The following TIMELESS variants were observed in gnomAD, a reference collection of about 807,000 sequenced individuals.
TIMELESS encodes timeless circadian regulator.
A neutral mutation model predicts 164.3 loss-of-function variants in TIMELESS; 124 were observed. The observed-to-expected ratio is 0.75, with a 90% CI of 0.65 to 0.88. The LOEUF (loss-of-function observed/expected upper bound fraction) is 0.88, where lower values mean the gene tolerates loss of function less well. Ranked by LOEUF, TIMELESS falls within the 40% of genes least tolerant of loss-of-function variation. The pLI, the probability that TIMELESS is intolerant of heterozygous loss-of-function variation, is 0.00. For synonymous variants in TIMELESS, 564 were observed against 563.4 expected (o/e 1.00, Z -0.02); for missense variants, 1,422 against 1,491.4 (o/e 0.95, Z 0.77).
chr12:56,421,640 C>A (rs1293021203), intron 22 of TIMELESS, 87 bp downstream of exon 22: 10 of 1,553,200 alleles, frequency 6.4e-6, no homozygotes, highest in African/African-American at 1.4e-5. Context: ...ATGGGAGAAT[C>A]TTTCCTTGGG....
At position 56,439,167 on chromosome 12, in the gene TIMELESS, C is replaced by CAAAAAAAAAAAAAAA. The variant is rs57127557; in HGVS notation, c.-61-4951_-61-4937dup. 2.3e-5 allele frequency among the ~76,000 whole-genome samples: 2 copies of CAAAAAAAAAAAAAAA among 85,640 alleles called. 1 individual carries two copies. Among genetic ancestry groups the CAAAAAAAAAAAAAAA allele is most frequent in the Non-Finnish European group, 4.4e-5 (2 of 45,510 alleles). 56.2% of individuals were successfully genotyped at this position (85,640 alleles called of 152,430 possible). A position where few individuals can be genotyped will look rare whatever the true frequency, so the allele number is the denominator to read the frequency against. ...GGCACCAAGAGTGAAAACTCCTTCT[C>CAAAAAAAAAAAAAAA]AAAAAAAAAAAAAAAAAAAAAAAAA... is the stretch of plus-strand genomic sequence containing the variant. On this transcript the variant is annotated intron_variant, in intron 1 of 28. Transcript: ENST00000553532.
At chr12:56,437,037 T>G (rs529011052) in intron 1 of TIMELESS, among the ~76,000 whole-genome samples, 1 of 152,152 alleles carries the variant, frequency 6.6e-6, no homozygotes, top group East Asian at 1.9e-4. Flanking sequence ...TTTAAGTGAT[T>G]CTTTGCCTCA....
At position 56,418,028 on chromosome 12, in the gene TIMELESS, C is replaced by T. The variant is rs765723597; in HGVS notation, c.3455-20G>A. 1.2e-6 allele frequency: 2 copies of T among 1,614,190 alleles called. No homozygotes were observed. The highest frequency in any genetic ancestry group is 1.1e-5 in the South Asian group (1 of 91,076). On this transcript the variant is annotated intron_variant, in intron 27 of 28. Transcript: ENST00000553532. Reference sequence around the variant, plus strand: ...CTTCCTCTGCAATGACCATAAATGACACAAAATTAGGAACTCGGTCCTCAT... The same window carrying T: ...CTTCCTCTGCAATGACCATAAATGATACAAAATTAGGAACTCGGTCCTCAT...
chr12:56,432,197 A>G (rs774039), intron 7 of TIMELESS, among the ~76,000 whole-genome samples, 172 bp downstream of exon 7: 64,172 of 152,062 alleles, frequency 0.42, 14,804 homozygotes, highest in East Asian at 0.73. Context: ...AGTAACTGAA[A>G]TCAAGGAAAG....
Position 56,428,597 on chromosome 12 carries a change from C to T in TIMELESS, c.1360G>A (p.Asp454Asn). The part of the protein sequence containing the change: ...QELLATVNEM[D>N]ISPDEAVRES... ...CTCACAGCCTCATCTGGAGATATGT[C>T]CATCTCATTCACTGTTGCCAGCAGC... is the stretch of plus-strand genomic sequence containing the variant. The change falls in exon 12 of 29, where the codon GAC (aspartate) becomes AAC (asparagine). Residue 454 changes from aspartate to asparagine, a missense_variant. Physicochemically the swap from Asp to Asn is conservative, Grantham distance 23. Transcript: ENST00000553532. The T allele has an allele frequency of 1.2e-6, 2 of 1,614,128 alleles. No individual in the cohort carries two copies. Among genetic ancestry groups the T allele is most frequent in the East Asian group, 2.2e-5 (1 of 44,878 alleles).
Position 56,428,356 on chromosome 12 carries a change from A to C in TIMELESS, c.1458T>G (p.Phe486Leu). 6.2e-7 allele frequency: 1 copy of C among 1,613,302 alleles called. No homozygotes were observed. The change falls in exon 13 of 29, where the codon TTT becomes TTG. Residue 486 changes from phenylalanine to leucine, a missense_variant. By Grantham distance (22) the Phe-to-Leu change is conservative. Coordinates refer to ENST00000553532, the MANE Select transcript of TIMELESS (RefSeq NM_003920.5). ...GCTGGCATCTCTCATCAAACTTTCG[A>C]AAAAGTGCCAGGAATAGTTCTCGGT... is the stretch of plus-strand genomic sequence containing the variant. ...MEYRELFLAL[F>L]RKFDERCQPR...
intron 1 of TIMELESS, 65 bp from the exon 2 acceptor site, chr12:56,434,296 C>T (rs1350090299): frequency 1.6e-5 from 12 of 754,352 alleles, no homozygotes; most frequent in Middle Eastern, 2.4e-4. Flanking sequence ...AGGAACAGGA[C>T]GAGGCCCTAA....
Position 56,433,366 on chromosome 12 carries a change from T to C in TIMELESS, c.429+15A>G, listed in dbSNP as rs989520592. 25 of 1,613,904 alleles carry C rather than the reference T, an allele frequency of 1.5e-5. No homozygotes were observed. Among genetic ancestry groups the C allele is most frequent in the Non-Finnish European group, 2.1e-5 (25 of 1,179,912 alleles). ...TGCTGTCCCATGGTATCCTGTAAGGTGAAGACTCACTCACCAGCTGCAGCA... is the reference window on the plus strand; with the variant it reads ...TGCTGTCCCATGGTATCCTGTAAGGCGAAGACTCACTCACCAGCTGCAGCA... On this transcript the variant is annotated intron_variant, in intron 5 of 28. Transcript: ENST00000553532.
rs1334382370 is a variant in TIMELESS at position 56,418,446 on chromosome 12, T to A, written c.3229-87A>T. The A allele has an allele frequency of 8.0e-6, 7 of 874,782 alleles. No homozygotes were observed. In the African/African-American group the frequency reaches 1.2e-4, roughly 15 times the overall value. The allele number at this position is 874,782 out of a possible 1,614,324, so 54.2% of individuals were successfully genotyped here. On this transcript the variant is annotated intron_variant, in intron 26 of 28. Coordinates refer to ENST00000553532, the MANE Select transcript of TIMELESS (RefSeq NM_003920.5). Reference sequence around the variant, plus strand: ...TTCATTGAATATATATGACCCAATATTGGTGAAGATCCACAAGGGTTGTGA... The same window carrying A: ...TTCATTGAATATATATGACCCAATAATGGTGAAGATCCACAAGGGTTGTGA...
intron 15 of TIMELESS, 113 bp from the exon 16 acceptor site, chr12:56,424,007 T>C: frequency 3.2e-6 from 3 of 929,664 alleles, no homozygotes; most frequent in Non-Finnish European, 4.9e-6. Context: ...AGAAACAGAA[T>C]GCAAACTGTT....
At position 56,436,955 on chromosome 12, in the gene TIMELESS, G is replaced by C. The variant is rs558038009; in HGVS notation, c.-61-2724C>G. 2.7e-4 allele frequency among the ~76,000 whole-genome samples: 40 copies of C among 150,530 alleles called. 1 individual carries two copies. The highest frequency in any genetic ancestry group is 9.5e-4 in the African/African-American group (39 of 40,928). On this transcript the variant is annotated intron_variant, in intron 1 of 28. Coordinates refer to ENST00000553532, the MANE Select transcript of TIMELESS (RefSeq NM_003920.5). ...ATTTTTTTTTTTTTTTTGAGACAGA[G>C]TCTCACGCTCTGTTGCCCAGGCTGG...
At chr12:56,435,517 C>G (rs1882040790) in intron 1 of TIMELESS, among the ~76,000 whole-genome samples, 2 of 152,174 alleles carry the variant, frequency 1.3e-5, no homozygotes, top group African/African-American at 4.8e-5. Context: ...TGCCATCATG[C>G]CTGGCCTTTT....
rs1324886903 is a variant in TIMELESS at position 56,428,605 on chromosome 12, T to C, written c.1352A>G (p.Asn451Ser). The stretch of plus-strand genomic sequence containing the variant: ...CTCATCTGGAGATATGTCCATCTCA[T>C]TCACTGTTGCCAGCAGCTCCTGATA... ...KAYQELLATV[N>S]EMDISPDEAV... The change falls in exon 12 of 29, where the codon AAT (asparagine) becomes AGT (serine). Residue 451 changes from asparagine to serine, a missense_variant. Coordinates refer to ENST00000553532, the MANE Select transcript of TIMELESS (RefSeq NM_003920.5). 1.2e-5 allele frequency: 19 copies of C among 1,614,044 alleles called. No individual in the cohort carries two copies. The highest frequency in any genetic ancestry group is 1.1e-4 in the East Asian group (5 of 44,894).
chr12:56,425,965 T>C (rs538176559), intron 13 of TIMELESS, among the ~76,000 whole-genome samples: 20 of 152,226 alleles, frequency 1.3e-4, no homozygotes, highest in Admixed American at 1.2e-3. Flanking sequence ...GTCAGGGCTG[T>C]GAACCAGTCT....
At chr12:56,439,212 AG>A (rs1882174877) in intron 1 of TIMELESS, among the ~76,000 whole-genome samples, 1 of 148,810 alleles carries the variant, frequency 6.7e-6, no homozygotes. Flanking sequence ...CAAACACAAA[AG>A]GTCATATATT....
At chr12:56,434,669 A>G (rs1369714535) in intron 1 of TIMELESS, among the ~76,000 whole-genome samples, 2 of 152,212 alleles carry the variant, frequency 1.3e-5, no homozygotes, top group African/African-American at 4.8e-5. Context: ...CCCAGGAGGC[A>G]GAGGTTGTGG....
At chr12:56,422,312 C>A in intron 19 of TIMELESS, 121 bp from the exon 20 acceptor site, 1 of 839,136 alleles carries the variant, frequency 1.2e-6, no homozygotes, top group Non-Finnish European at 1.9e-6. Flanking sequence ...TGAAAGAGGC[C>A]AGCCAGCAGA....
chr12:56,432,491 G>A lies in TIMELESS; in HGVS notation c.565C>T (p.Leu189Phe). The change falls in exon 7 of 29, where the codon CTC becomes TTC. Residue 189 changes from leucine to phenylalanine, a missense_variant. Physicochemically the swap from Leu to Phe is conservative, Grantham distance 22. Transcript: ENST00000553532. ...IDDDASAHDQ[L>F]LWAIHLSGLD... is the part of the protein sequence containing the mutation. ...CCGCTGAGGTGAATCGCCCAGAGGA[G>A]CTGGTCATGGGCACTGGCGTCATCA... is the stretch of plus-strand genomic sequence containing the variant. 5 of 1,614,172 alleles carry A rather than the reference G, an allele frequency of 3.1e-6. No individual in the cohort carries two copies. Among genetic ancestry groups the A allele is most frequent in the Non-Finnish European group, 4.2e-6 (5 of 1,180,026 alleles).
At position 56,442,007 on chromosome 12, in the gene TIMELESS, C is replaced by T. The variant is rs377387969; in HGVS notation, c.-62+7303G>A. On this transcript the variant is annotated intron_variant, in intron 1 of 28. Transcript: ENST00000553532. ...GCTGAGGCAGGAGAATCACTTGAAC[C>T]AGGGAGGTGGAGGTTACAGTGAGTT... is the stretch of plus-strand genomic sequence containing the variant. 2.0e-4 allele frequency among the ~76,000 whole-genome samples: 29 copies of T among 141,692 alleles called. 2 individuals carry two copies. In the East Asian group the frequency reaches 4.9e-3, roughly 24 times the overall value. 93.0% of individuals were successfully genotyped at this position (141,692 alleles called of 152,430 possible). A position where few individuals can be genotyped will look rare whatever the true frequency, so the allele number is the denominator to read the frequency against.
Sources: allele counts gnomAD v4.1 joint callset (sites outside exome capture counted in the v4.1 genomes callset), GRCh38; gene constraint gnomAD v4.1.1; transcripts MANE v1.5; gene names NCBI Gene and HGNC (gene_info 2026-07-23, HGNC 2026-07-21).